The following TNR variants were observed in gnomAD, a reference collection of about 807,000 sequenced individuals.
The protein encoded by TNR is tenascin-R.
TNR carries 45 observed loss-of-function variants against 150.4 expected under a neutral mutation model. The ratio of observed to expected loss-of-function variants is 0.30; its 90% CI spans 0.24 to 0.38. The LOEUF (loss-of-function observed/expected upper bound fraction) is 0.38, where lower values mean the gene tolerates loss of function less well. Ranked by LOEUF, TNR falls within the 10% of genes least tolerant of loss-of-function variation. The pLI is 1.00. For missense variants in TNR, 1,544 were observed against 1,759.1 expected (o/e 0.88, Z 2.19); for synonymous variants, 687 against 678.4 (o/e 1.01, Z -0.20).
At chr1:175,696,854 G>C (rs1666543893) in intron 1 of TNR, among the ~76,000 whole-genome samples, 1 of 148,186 alleles carries the variant, frequency 6.7e-6, no homozygotes. Context: ...ACTTCAGCCT[G>C]GGCAACAAGA....
intron 2 of TNR, among the ~76,000 whole-genome samples, chr1:175,472,875 T>A (rs1234830827): frequency 6.6e-6 from 1 of 152,178 alleles, no homozygotes; most frequent in Non-Finnish European, 1.5e-5. Context: ...AGACCAGCAG[T>A]GAGCCACTGT....
chr1:175,575,463 T>A (rs940717043), intron 1 of TNR, among the ~76,000 whole-genome samples: 1 of 152,198 alleles, frequency 6.6e-6, no homozygotes, highest in Non-Finnish European at 1.5e-5. Context: ...TACTCATCTC[T>A]ACCCTCAGCC....
intron 18 of TNR, among the ~76,000 whole-genome samples, chr1:175,344,398 T>C (rs1650674543): frequency 6.6e-6 from 1 of 152,214 alleles, no homozygotes; most frequent in South Asian, 2.1e-4. Context: ...CCTGCCTTCA[T>C]ACCCAGGTAT....
Position 175,356,280 on chromosome 1 carries a change from T to A in TNR, c.3118+39A>T, listed in dbSNP as rs77426583. On this transcript the variant is annotated intron_variant, in intron 16 of 22. Coordinates refer to ENST00000367674, the MANE Select transcript of TNR (RefSeq NM_003285.3). ...AGAAAGCTGATCATTTCCACAAAAG[T>A]CCCCAGGGATACGGGTATGTAGGTG... 1,118 of 1,610,946 alleles carry A rather than the reference T, an allele frequency of 6.9e-4. 12 individuals carry two copies. The African/African-American group carries it at 0.013, about 19-fold the overall frequency.
At chr1:175,555,070 G>A (rs1661098233) in intron 1 of TNR, among the ~76,000 whole-genome samples, 1 of 152,152 alleles carries the variant, frequency 6.6e-6, no homozygotes, top group African/African-American at 2.4e-5. Context: ...TATGGATTAA[G>A]CATAGTCCTA....
At chr1:175,576,830 C>A (rs1363956671) in intron 1 of TNR, among the ~76,000 whole-genome samples, 2 of 152,188 alleles carry the variant, frequency 1.3e-5, no homozygotes, top group African/African-American at 4.8e-5. Context: ...CAAAATAAGG[C>A]TCCTCTTCCT....
At chr1:175,522,115 A>C (rs1226575194) in intron 2 of TNR, among the ~76,000 whole-genome samples, 2 of 150,892 alleles carry the variant, frequency 1.3e-5, no homozygotes, top group South Asian at 4.2e-4. Flanking sequence ...ACCCCACTCC[A>C]CTTCTCCTTT....
intron 1 of TNR, among the ~76,000 whole-genome samples, chr1:175,672,901 CA>C (rs1187849906): frequency 3.9e-5 from 6 of 152,318 alleles, no homozygotes; most frequent in African/African-American, 1.4e-4. Flanking sequence ...TCAACAGACT[CA>C]CTTCTTATTC....
chr1:175,645,418 C>T (rs1664783200), intron 1 of TNR, among the ~76,000 whole-genome samples: 1 of 152,112 alleles, frequency 6.6e-6, no homozygotes, highest in Admixed American at 6.5e-5. Flanking sequence ...GGTCTAGGAT[C>T]TTTGTGATTA....
At chr1:175,405,793 G>T (rs188122650) in intron 3 of TNR, among the ~76,000 whole-genome samples, 2 of 152,284 alleles carry the variant, frequency 1.3e-5, no homozygotes, top group African/African-American at 4.8e-5. Context: ...CAGAGCGTCT[G>T]CATTCTCTAG....
At chr1:175,386,488 G>A (rs930184653) in intron 7 of TNR, among the ~76,000 whole-genome samples, 187 bp from the exon 8 acceptor site, 2 of 152,154 alleles carry the variant, frequency 1.3e-5, no homozygotes, top group Non-Finnish European at 2.9e-5. Context: ...CATGTAGTTT[G>A]CCTTGATTCC....
intron 1 of TNR, among the ~76,000 whole-genome samples, chr1:175,658,125 C>A (rs1480951136): frequency 6.6e-6 from 1 of 151,982 alleles, no homozygotes; most frequent in East Asian, 1.9e-4. Flanking sequence ...AGTGAGACCC[C>A]TGAACCTCAA....
intron 14 of TNR, among the ~76,000 whole-genome samples, chr1:175,361,212 C>A (rs1455376498): frequency 6.6e-6 from 1 of 152,202 alleles, no homozygotes; most frequent in Non-Finnish European, 1.5e-5. Context: ...CAGGTGCATG[C>A]ATCCATGCCT....
chr1:175,406,870 C>G (rs1005404854), intron 2 of TNR, 93 bp from the exon 3 acceptor site: 1 of 919,352 alleles, frequency 1.1e-6, no homozygotes, highest in African/African-American at 2.3e-5. Flanking sequence ...GAGTAGGCAG[C>G]CAGAGATTTT....
Position 175,488,476 on chromosome 1 carries a change from T to G in TNR, c.-64+39793A>C, listed in dbSNP as rs565743692. On this transcript the variant is annotated intron_variant, in intron 2 of 22. Transcript: ENST00000367674. ...GTGAGGGGCAATGGAGGGGAATAGA[T>G]TCAATACAACCCTGCCCAGTTTCTC... Among the ~76,000 whole-genome samples, 4 of 152,306 alleles carry G rather than the reference T, an allele frequency of 2.6e-5. No homozygotes were observed. In the South Asian group the frequency reaches 8.3e-4, roughly 32 times the overall value.
intron 21 of TNR, among the ~76,000 whole-genome samples, chr1:175,326,142 C>T (rs1392330584): frequency 1.3e-5 from 2 of 152,022 alleles, no homozygotes; most frequent in East Asian, 1.9e-4. Context: ...GGCAAACAGG[C>T]TGCGTGTTCT....
In TNR at chr1:175,534,393, C is replaced by A. The variant is rs115321902; in HGVS notation, c.-164-6024G>T. Among the ~76,000 whole-genome samples, 1,034 of 152,340 alleles carry A rather than the reference C, an allele frequency of 6.8e-3. 8 individuals carry two copies. The highest frequency in any genetic ancestry group is 0.022 in the African/African-American group (928 of 41,576). On this transcript the variant is annotated intron_variant, in intron 1 of 22. Transcript: ENST00000367674. Reference sequence around the variant, plus strand: ...GACTACCTTCTCACCTCAGAGAGAGCTGCACAGTGTCACTATCCACACACA... The same window carrying A: ...GACTACCTTCTCACCTCAGAGAGAGATGCACAGTGTCACTATCCACACACA...
chr1:175,367,030 T>G (rs567822345), intron 10 of TNR, among the ~76,000 whole-genome samples, 178 bp downstream of exon 10: 1 of 152,316 alleles, frequency 6.6e-6, no homozygotes, highest in African/African-American at 2.4e-5. Context: ...CTGTCCTGCC[T>G]GTCAGAGATC....
At chr1:175,630,286 T>C (rs1446458387) in intron 1 of TNR, among the ~76,000 whole-genome samples, 1 of 152,242 alleles carries the variant, frequency 6.6e-6, no homozygotes, top group Non-Finnish European at 1.5e-5. Context: ...AAAGAGGAAC[T>C]CTTGTCTTAT....
Sources: gnomAD v4.1 joint callset for allele counts (sites outside exome capture counted in the v4.1 genomes callset) on GRCh38, gnomAD v4.1.1 for gene constraint, MANE v1.5 for transcripts, NCBI Gene and HGNC (gene_info 2026-07-23, HGNC 2026-07-21) for gene names.